PARVA: variants seen among roughly 807,000 people sequenced by gnomAD.
The protein encoded by PARVA is alpha-parvin.
In PARVA, 25 loss-of-function variants were observed where a neutral mutation model predicts 52.6. The observed-to-expected ratio is 0.48, with a 90% CI of 0.35 to 0.66. PARVA has a LOEUF of 0.66. Ranked by LOEUF, PARVA falls within the 30% of genes least tolerant of loss-of-function variation. The pLI is 0.01. For missense variants in PARVA, 373 were observed against 450.9 expected (o/e 0.83, Z 1.56); for synonymous variants, 185 against 179.1 (o/e 1.03, Z -0.26).
chr11:12,389,667 G>A (rs1939629401), intron 1 of PARVA, among the ~76,000 whole-genome samples: 1 of 152,184 alleles, frequency 6.6e-6, no homozygotes, highest in South Asian at 2.1e-4. Flanking sequence ...GAGAAGGGAT[G>A]GGCTTTGGGA....
At chr11:12,440,341 A>G (rs973810697) in intron 1 of PARVA, among the ~76,000 whole-genome samples, 2 of 152,118 alleles carry the variant, frequency 1.3e-5, no homozygotes, top group African/African-American at 4.8e-5. Flanking sequence ...AAGAGAAGCT[A>G]AGGGGGAGAG....
chr11:12,452,225 G>A (rs1368758121), intron 1 of PARVA, among the ~76,000 whole-genome samples: 1 of 152,060 alleles, frequency 6.6e-6, no homozygotes, highest in African/African-American at 2.4e-5. Flanking sequence ...CAACCAAGCA[G>A]CAAACCCAAA....
intron 1 of PARVA, among the ~76,000 whole-genome samples, chr11:12,434,068 C>A (rs886686097): frequency 6.6e-6 from 1 of 152,164 alleles, no homozygotes; most frequent in Non-Finnish European, 1.5e-5. Context: ...CTGAGCACCG[C>A]GAGCACTATG....
intron 1 of PARVA, among the ~76,000 whole-genome samples, chr11:12,407,625 C>G (rs140309845): frequency 6.6e-5 from 10 of 152,284 alleles, no homozygotes; most frequent in Admixed American, 1.3e-4. Context: ...TCCTCTTGGT[C>G]TCTTCTCACA....
At chr11:12,494,328 T>C (rs1941270884) in intron 4 of PARVA, among the ~76,000 whole-genome samples, 1 of 152,170 alleles carries the variant, frequency 6.6e-6, no homozygotes, top group Non-Finnish European at 1.5e-5. Flanking sequence ...TTCTCATGGG[T>C]CGGGGGTATG....
intron 1 of PARVA, among the ~76,000 whole-genome samples, chr11:12,384,806 G>C (rs1378120321): frequency 3.9e-5 from 6 of 152,162 alleles, no homozygotes; most frequent in African/African-American, 1.4e-4. Flanking sequence ...TTGTGGAACG[G>C]GGGTTGGTCC....
intron 1 of PARVA, among the ~76,000 whole-genome samples, chr11:12,427,148 G>A (rs891947034): frequency 6.6e-6 from 1 of 152,102 alleles, no homozygotes; most frequent in African/African-American, 2.4e-5. Context: ...ATATAGTAGA[G>A]CTACTGAATG....
At chr11:12,385,079 G>A (rs916193551) in intron 1 of PARVA, among the ~76,000 whole-genome samples, 120 of 152,308 alleles carry the variant, frequency 7.9e-4, no homozygotes, top group Non-Finnish European at 1.1e-3. Context: ...GCTCACGCCT[G>A]TAATCCCAGC....
In PARVA at chr11:12,428,205, A is replaced by G. The variant is rs138926194; in HGVS notation, c.137-45540A>G. ...TTGGGCAAATGTGGAGTCTCTAGCC[A>G]TGTGCTGCATTAGGTATTGCCGGAT... is the stretch of plus-strand genomic sequence containing the variant. On this transcript the variant is annotated intron_variant, in intron 1 of 12. Transcript: ENST00000334956. 1.2e-4 allele frequency among the ~76,000 whole-genome samples: 19 copies of G among 152,342 alleles called. No individual in the cohort carries two copies. The East Asian group carries it at 3.5e-3, about 28-fold the overall frequency.
chr11:12,519,621 G>A (rs570540250), intron 12 of PARVA, among the ~76,000 whole-genome samples: 1 of 152,306 alleles, frequency 6.6e-6, no homozygotes, highest in Non-Finnish European at 1.5e-5. Flanking sequence ...ACCAGGTAGG[G>A]CTTTGGTGTA....
chr11:12,493,411 A>G (rs886635060), intron 4 of PARVA, among the ~76,000 whole-genome samples: 1 of 151,942 alleles, frequency 6.6e-6, no homozygotes, highest in Non-Finnish European at 1.5e-5. Context: ...TTACTTCGAT[A>G]TATTTTTATG....
intron 1 of PARVA, among the ~76,000 whole-genome samples, chr11:12,418,542 C>A (rs1415310666): frequency 6.6e-6 from 1 of 152,196 alleles, no homozygotes; most frequent in South Asian, 2.1e-4. Context: ...AGCCCAGCTT[C>A]TCAGCGTGCC....
At chr11:12,426,310 A>G (rs1024304231) in intron 1 of PARVA, among the ~76,000 whole-genome samples, 2 of 152,190 alleles carry the variant, frequency 1.3e-5, no homozygotes, top group African/African-American at 2.4e-5. Context: ...AGGGAACAGC[A>G]TATGCAAAGG....
chr11:12,377,820 GC>G (rs1420704205), intron 1 of PARVA, 37 bp downstream of exon 1: 1 of 1,449,368 alleles, frequency 6.9e-7, no homozygotes, highest in African/African-American at 1.5e-5. Flanking sequence ...GGCGGTAGGA[GC>G]CGGGGGTGCC....
At chr11:12,469,901 G>A (rs541190103) in intron 1 of PARVA, among the ~76,000 whole-genome samples, 4 of 152,304 alleles carry the variant, frequency 2.6e-5, no homozygotes, top group African/African-American at 9.6e-5. Context: ...ATCCTGTTCA[G>A]ACCCACCTTT....
intron 1 of PARVA, among the ~76,000 whole-genome samples, chr11:12,396,952 C>G (rs187665496): frequency 1.0e-3 from 138 of 134,948 alleles, no homozygotes; most frequent in African/African-American, 3.8e-3. Context: ...CTTTCATGTA[C>G]TTGTTTTCTT....
At chr11:12,485,696 T>G (rs1403852025) in intron 4 of PARVA, among the ~76,000 whole-genome samples, 1 of 152,172 alleles carries the variant, frequency 6.6e-6, no homozygotes, top group Non-Finnish European at 1.5e-5. Context: ...AAATACTTTG[T>G]GTAGATATAA....
intron 6 of PARVA, among the ~76,000 whole-genome samples, chr11:12,507,800 C>G (rs756174423): frequency 2.6e-5 from 4 of 152,156 alleles, no homozygotes; most frequent in South Asian, 2.1e-4. Context: ...GGAAACCATT[C>G]TCAGGTGTCT....
At chr11:12,380,150 C>G (rs1205611124) in intron 1 of PARVA, among the ~76,000 whole-genome samples, 1 of 152,164 alleles carries the variant, frequency 6.6e-6, no homozygotes, top group Non-Finnish European at 1.5e-5. Flanking sequence ...ACTTTTGCAT[C>G]CTGTCTCTTT....
Sources: gnomAD v4.1 joint callset for allele counts (sites outside exome capture counted in the v4.1 genomes callset) on GRCh38, gnomAD v4.1.1 for gene constraint, MANE v1.5 for transcripts, NCBI Gene and HGNC (gene_info 2026-07-23, HGNC 2026-07-21) for gene names.